Variants in NRXN1 observed in about 807,000 individuals in gnomAD.
NRXN1 encodes the protein neurexin 1, also known as neurexin-1.
Under a neutral mutation model 150.9 loss-of-function variants are expected in NRXN1, and 39 were observed. The ratio of observed to expected loss-of-function variants is 0.26; its 90% CI spans 0.20 to 0.34. The LOEUF is 0.34. Among genes scored for constraint, NRXN1 ranks in the 10% least tolerant of loss-of-function variants. The pLI is 1.00. For synonymous variants in NRXN1, 924 were observed against 757.0 expected, an observed-to-expected ratio of 1.22 and a Z score of -3.62; for missense variants, 1,815 against 1,949.9, an observed-to-expected ratio of 0.93 and a Z score of 1.30.
chr2:50,108,635 A>C (rs1701983226), intron 18 of NRXN1, among the ~76,000 whole-genome samples: 1 of 152,150 alleles, frequency 6.6e-6, no homozygotes, highest in Admixed American at 6.5e-5. Context: ...TGTTAAGTTC[A>C]CTATGCATTT....
At chr2:49,959,480 T>C (rs1162252896) in intron 21 of NRXN1, among the ~76,000 whole-genome samples, 7 of 152,316 alleles carry the variant, frequency 4.6e-5, no homozygotes, top group African/African-American at 1.2e-4. Context: ...CTAGGACCAG[T>C]TGTTTGCTTG....
chr2:50,726,573 AACAGGTGCT>A (rs2105165279), intron 5 of NRXN1, among the ~76,000 whole-genome samples: 1 of 152,340 alleles, frequency 6.6e-6, no homozygotes, highest in African/African-American at 2.4e-5. Context: ...GACCCTAAAA[AACAGGTGCT>A]ATTATTTCCT....
chr2:50,145,046 C>T (rs1474302639), intron 18 of NRXN1, among the ~76,000 whole-genome samples: 1 of 151,570 alleles, frequency 6.6e-6, no homozygotes, highest in South Asian at 2.1e-4. Flanking sequence ...CTGGCTATTT[C>T]TGTGATGATT....
intron 5 of NRXN1, among the ~76,000 whole-genome samples, chr2:50,905,225 T>C (rs2104001740): frequency 6.6e-6 from 1 of 152,236 alleles, no homozygotes; most frequent in Middle Eastern, 3.4e-3. Flanking sequence ...CACTCTGCCA[T>C]TAAGATGTCT....
intron 5 of NRXN1, among the ~76,000 whole-genome samples, chr2:50,780,832 A>G (rs1704260383): frequency 6.6e-6 from 1 of 152,140 alleles, no homozygotes; most frequent in African/African-American, 2.4e-5. Flanking sequence ...TGTTTTGTTC[A>G]TCTTTGCTTT....
intron 19 of NRXN1, among the ~76,000 whole-genome samples, chr2:50,077,455 T>A (rs556850332): frequency 6.6e-6 from 1 of 152,202 alleles, no homozygotes; most frequent in Admixed American, 6.5e-5. Context: ...TTTCTTTTTT[T>A]ACTAAAGCAA....
chr2:50,725,068 T>C (rs1183041690), intron 5 of NRXN1, among the ~76,000 whole-genome samples: 4 of 151,174 alleles, frequency 2.6e-5, no homozygotes, highest in Non-Finnish European at 5.9e-5. Flanking sequence ...ACACTTGGAT[T>C]TGCACATTCA....
intron 17 of NRXN1, among the ~76,000 whole-genome samples, chr2:50,463,398 C>G (rs1413089645): frequency 6.6e-6 from 1 of 151,706 alleles, no homozygotes; most frequent in African/African-American, 2.4e-5. Context: ...GCCAAGGAAC[C>G]ATTTCACATT....
chr2:50,458,922 T>C (rs2087875150), intron 17 of NRXN1, among the ~76,000 whole-genome samples: 1 of 152,134 alleles, frequency 6.6e-6, no homozygotes, highest in Non-Finnish European at 1.5e-5. Context: ...ATTCTTCTTT[T>C]TACATTTAAA....
At chr2:50,692,470 A>AT (rs142362785) in intron 5 of NRXN1, among the ~76,000 whole-genome samples, 4,020 of 151,362 alleles carry the variant, frequency 0.027, 178 homozygotes, top group African/African-American at 0.091. Context: ...CTCTGTGGAG[A>AT]TTTTTTTTTC....
chr2:50,761,101 T>A (rs1469478700), intron 5 of NRXN1, among the ~76,000 whole-genome samples: 1 of 152,018 alleles, frequency 6.6e-6, no homozygotes, highest in African/African-American at 2.4e-5. Flanking sequence ...GAAGGCTAAG[T>A]CAAACTTCCC....
chr2:50,326,575 A>G (rs1028772092), intron 17 of NRXN1, among the ~76,000 whole-genome samples: 29 of 152,202 alleles, frequency 1.9e-4, no homozygotes, highest in African/African-American at 6.8e-4. Context: ...AAACTTTGAT[A>G]TATTTGAAGT....
rs79585872 is a variant in NRXN1, at chr2:50,225,247, G to C, written c.3546+11542C>G. On this transcript the variant is annotated intron_variant, in intron 18 of 22. Coordinates refer to ENST00000401669, the MANE Select transcript of NRXN1 (RefSeq NM_001330078.2). ...TGACAATGGAAAACTACCAGCAGGA[G>C]GGCAAGAGAGGCCACAGTCAAAAGT... Among the ~76,000 whole-genome samples, 274 of 151,936 alleles carry C rather than the reference G, an allele frequency of 1.8e-3. 1 individual carries two copies. Among genetic ancestry groups the C allele is most frequent in the African/African-American group, 6.4e-3 (265 of 41,416 alleles).
intron 17 of NRXN1, among the ~76,000 whole-genome samples, chr2:50,410,477 C>G (rs915329317): frequency 6.6e-6 from 1 of 152,300 alleles, no homozygotes; most frequent in South Asian, 2.1e-4. Flanking sequence ...TGTGTACACT[C>G]TTGTTGTATG....
At chr2:50,222,399 C>A (rs937023780) in intron 18 of NRXN1, among the ~76,000 whole-genome samples, 2 of 151,822 alleles carry the variant, frequency 1.3e-5, no homozygotes, top group African/African-American at 2.4e-5. Flanking sequence ...AATAATGAGA[C>A]CAATTTGCTT....
chr2:50,071,274 G>A (rs916182343), intron 19 of NRXN1, among the ~76,000 whole-genome samples: 9 of 152,062 alleles, frequency 5.9e-5, no homozygotes, highest in Non-Finnish European at 1.3e-4. Context: ...GTTGGTAATC[G>A]CCACACAAGA....
chr2:50,053,520 G>A lies in NRXN1; in HGVS notation c.3879C>T (p.Phe1293=), dbSNP rs200948346. Residue 1293 remains phenylalanine (F), a synonymous_variant, in exon 21 of 23, where the codon TTC becomes TTT. Coordinates refer to ENST00000401669, the MANE Select transcript of NRXN1 (RefSeq NM_001330078.2). ...IIGGKEQGQP[F]QGQLSGLYYN... is the part of the protein sequence containing the mutation. The stretch of plus-strand genomic sequence containing the variant: ...AGTACAGCCCAGAGAGCTGGCCCTG[G>A]AAGGGCTGGCCCTGCTCTTTCCCGC... The A allele has an allele frequency of 6.2e-7, 1 of 1,614,064 alleles. No individual in the cohort carries two copies. The highest frequency in any genetic ancestry group is 8.5e-7 in the Non-Finnish European group (1 of 1,179,940).
At chr2:51,004,387 T>C (rs1432951048) in intron 2 of NRXN1, among the ~76,000 whole-genome samples, 1 of 152,058 alleles carries the variant, frequency 6.6e-6, no homozygotes, top group African/African-American at 2.4e-5. Context: ...TTCTCCCTTT[T>C]GACAATATTT....
At chr2:50,794,967 CAAAT>C (rs1475889695) in intron 5 of NRXN1, among the ~76,000 whole-genome samples, 1 of 152,086 alleles carries the variant, frequency 6.6e-6, no homozygotes, top group East Asian at 1.9e-4. Context: ...ACTTAGGTGT[CAAAT>C]AAACCTAAAA....
Sources: gnomAD v4.1 joint callset for allele counts (sites outside exome capture counted in the v4.1 genomes callset) on GRCh38, gnomAD v4.1.1 for gene constraint, MANE v1.5 for transcripts, NCBI Gene and HGNC (gene_info 2026-07-23, HGNC 2026-07-21) for gene names.